KLC2: variants seen among roughly 807,000 people sequenced by gnomAD.
KLC2 encodes the protein KLC 2.
In KLC2, 35 loss-of-function variants were observed where a neutral mutation model predicts 75.1. The observed-to-expected ratio is 0.47, with a 90% CI of 0.36 to 0.62. The LOEUF (loss-of-function observed/expected upper bound fraction) is 0.62. KLC2 is among the 20% of genes least tolerant of loss of function. KLC2 has a pLI of 0.00. For synonymous variants in KLC2, 314 were observed against 336.7 expected, an observed-to-expected ratio of 0.93 and a Z score of 0.74; for missense variants, 611 against 833.2, an observed-to-expected ratio of 0.73 and a Z score of 3.28.
Position 66,262,211 on chromosome 11 carries a change from GGA to G in KLC2, c.529+21_529+22del, listed in dbSNP as rs759979218. 1 of 1,604,606 alleles carries G rather than the reference GGA, an allele frequency of 6.2e-7. No homozygotes were observed. Among genetic ancestry groups the G allele is most frequent in the African/African-American group, 1.3e-5 (1 of 74,860 alleles). On this transcript the variant is annotated intron_variant, in intron 4 of 15. Coordinates refer to ENST00000394067, the MANE Select transcript of KLC2 (RefSeq NM_001318734.2). ...AGCCCAGGTGCGGATGGGCAGTTCT[GGA>G]GTGGGGGAAGGAAAGGTTGTGTGAA...
Position 66,261,784 on chromosome 11 carries a change from G to A in KLC2, c.271G>A (p.Glu91Lys), listed in dbSNP as rs1856444541. 6.2e-7 allele frequency: 1 copy of A among 1,612,694 alleles called. No individual in the cohort carries two copies. The highest frequency in any genetic ancestry group is 1.1e-5 in the South Asian group (1 of 91,004). Residue 91 changes from glutamate to lysine, a missense_variant, in exon 3 of 16, where the codon GAG becomes AAG. Physicochemically the swap from Glu to Lys is moderately conservative, Grantham distance 56. Coordinates refer to ENST00000394067, the MANE Select transcript of KLC2 (RefSeq NM_001318734.2). Reference sequence around the variant, plus strand: ...GAGCCACCTGGGGGCTGTAGAATCAGAGAAGCAGAAGCTGCGGGCGCAGGT... The same window carrying A: ...GAGCCACCTGGGGGCTGTAGAATCAAAGAAGCAGAAGCTGCGGGCGCAGGT... ...LSSHLGAVES[E>K]KQKLRAQVRR...
Position 66,265,027 on chromosome 11 carries a change from C to T in KLC2, c.1221C>T (p.Asp407=), listed in dbSNP as rs1203251842. The change falls in exon 10 of 16, where the codon GAC becomes GAT. Residue 407 remains aspartate (D), a synonymous_variant. Transcript: ENST00000394067. ...CAGTCCCCTTTCTCTCCCCAGGGGA[C>T]AACAAGCCCATCTGGATGCACGCAG... ...HEKEFGSVNG[D]NKPIWMHAEE... 2 of 1,613,160 alleles carry T rather than the reference C, an allele frequency of 1.2e-6. No individual in the cohort carries two copies. Among genetic ancestry groups the T allele is most frequent in the African/African-American group, 1.3e-5 (1 of 74,904 alleles).
chr11:66,247,084 TC>T, the KLC2 span, among the ~76,000 whole-genome samples: 1 of 152,208 alleles, frequency 6.6e-6, no homozygotes, highest in Non-Finnish European at 1.5e-5. Flanking sequence ...ACTCGGTTCT[TC>T]AGTTCCGAGG....
At chr11:66,252,615 G>C (rs1855973622), upstream of KLC2, among the ~76,000 whole-genome samples, 1 of 152,190 alleles carries the variant, frequency 6.6e-6, no homozygotes, top group African/African-American at 2.4e-5. Context: ...GTAGGTAATA[G>C]GAACCCTGCT....
At chr11:66,262,389 G>T in intron 4 of KLC2, 197 bp downstream of exon 4, 1 of 596,514 alleles carries the variant, frequency 1.7e-6, no homozygotes, top group Non-Finnish European at 3.0e-6. Flanking sequence ...ATCACAATTA[G>T]CTGTGGAGTC....
At chr11:66,255,278 C>T (rs1453393570), upstream of KLC2, among the ~76,000 whole-genome samples, 5 of 152,258 alleles carry the variant, frequency 3.3e-5, no homozygotes, top group Non-Finnish European at 5.9e-5. Flanking sequence ...GCAACCTCCA[C>T]CTCCTGGCTT....
chr11:66,249,051 G>C, the KLC2 span, among the ~76,000 whole-genome samples: 6 of 152,128 alleles, frequency 3.9e-5, no homozygotes, highest in African/African-American at 1.4e-4. Context: ...AGGATCCTTT[G>C]GGCTGTGACA....
At position 66,265,272 on chromosome 11, in the gene KLC2, G is replaced by C. The variant is rs764192881; in HGVS notation, c.1334+37G>C. On this transcript the variant is annotated intron_variant, in intron 11 of 15. Transcript: ENST00000394067. ...GGGGCTGGGCTGGGGAGCAGGGCAC[G>C]GCAGGGCGGGCTCCACATTCCATAC... 5.1e-6 allele frequency: 8 copies of C among 1,563,308 alleles called. No homozygotes were observed. The South Asian group carries it at 6.7e-5, about 13-fold the overall frequency.
At chr11:66,253,808 C>T (rs1432849147), upstream of KLC2, among the ~76,000 whole-genome samples, 8 of 152,218 alleles carry the variant, frequency 5.3e-5, no homozygotes, top group South Asian at 1.4e-3. Context: ...GCACACCGGG[C>T]GGAGCAGCCA....
Position 66,258,714 on chromosome 11 carries a change from T to C in KLC2, c.120T>C (p.Ala40=). The change falls in exon 2 of 16, where the codon GCT becomes GCC. Residue 40 remains alanine, a synonymous_variant. Transcript: ENST00000394067. ...TLRGEHRALL[A]PLVAPEAGEA... ...GTGGGGAGCATCGTGCCCTGCTGGC[T>C]CCTCTGGTTGCACCTGAGGCCGGCG... 2 of 1,613,706 alleles carry C rather than the reference T, an allele frequency of 1.2e-6. No individual in the cohort carries two copies. Among genetic ancestry groups the C allele is most frequent in the Non-Finnish European group, 8.5e-7 (1 of 1,179,926 alleles).
intron 2 of KLC2, among the ~76,000 whole-genome samples, chr11:66,260,338 TG>T (rs1362784037): frequency 2.6e-5 from 4 of 152,120 alleles, no homozygotes; most frequent in African/African-American, 4.8e-5. Context: ...GCACACCTGG[TG>T]GAGCACGTGC....
rs375349873 is a variant in KLC2, at chr11:66,265,077, C to G, written c.1266+5C>G. 3.5e-5 allele frequency: 57 copies of G among 1,610,700 alleles called. No individual in the cohort carries two copies. Among genetic ancestry groups the G allele is most frequent in the Admixed American group, 5.0e-5 (3 of 59,874 alleles). Reference sequence around the variant, plus strand: ...GAGGAGCGGGAGGAAAGCAAGGTAGCTCTGTGGGGCAGGCTGGGCGGTTGT... The same window carrying G: ...GAGGAGCGGGAGGAAAGCAAGGTAGGTCTGTGGGGCAGGCTGGGCGGTTGT... On this transcript the variant is annotated splice_donor_5th_base_variant and intron_variant, in intron 10 of 15. Coordinates refer to ENST00000394067, the MANE Select transcript of KLC2 (RefSeq NM_001318734.2).
chr11:66,261,571 C>T (rs1269264977), intron 2 of KLC2, 171 bp from the exon 3 acceptor site: 9 of 590,978 alleles, frequency 1.5e-5, no homozygotes, highest in Admixed American at 8.9e-5. Flanking sequence ...TATGGTGTGT[C>T]GGGGGCCTTG....
At chr11:66,262,601 C>A in intron 4 of KLC2, 1 of 590,298 alleles carries the variant, frequency 1.7e-6, no homozygotes, top group Non-Finnish European at 3.0e-6. Context: ...GGCAGCTTGC[C>A]CCAGGACACA....
intron 15 of KLC2, 151 bp downstream of exon 15, chr11:66,266,641 G>A: frequency 1.1e-6 from 1 of 924,416 alleles, no homozygotes; most frequent in Non-Finnish European, 1.8e-6. Flanking sequence ...GAGACACGAG[G>A]GGAACCCAGC....
Position 66,266,024 on chromosome 11 carries a change from G to A in KLC2, c.1602+12G>A, listed in dbSNP as rs752787744. 1.2e-6 allele frequency: 2 copies of A among 1,613,288 alleles called. No individual in the cohort carries two copies. The highest frequency in any genetic ancestry group is 4.5e-5 in the East Asian group (2 of 44,876). On this transcript the variant is annotated intron_variant, in intron 13 of 15. Coordinates refer to ENST00000394067, the MANE Select transcript of KLC2 (RefSeq NM_001318734.2). ...CTGAGTGGAATGGGGTGAGTCCGGGGCCTGGGCCGGGTCGGGCTGGGAGCC... is the reference window on the plus strand; with the variant it reads ...CTGAGTGGAATGGGGTGAGTCCGGGACCTGGGCCGGGTCGGGCTGGGAGCC...
chr11:66,266,877 G>A lies in KLC2; in HGVS notation c.1790G>A (p.Gly597Glu), dbSNP rs1465132349. 1 of 1,613,310 alleles carries A rather than the reference G, an allele frequency of 6.2e-7. No individual in the cohort carries two copies. The highest frequency in any genetic ancestry group is 1.3e-5 in the African/African-American group (1 of 75,020). ...NKSVEEPTQP[G>E]GTGLSDSRTL... is the part of the protein sequence containing the mutation. ...ACCTGCCCCCTCTGCCCACAGCCTG[G>A]AGGCACAGGTCTCTCTGACAGCCGC... The change falls in exon 16 of 16, where the codon GGA becomes GAA. Residue 597 changes from glycine to glutamate, a missense_variant. Gly to Glu is a moderately conservative substitution (Grantham distance 98, BLOSUM62 -2). Coordinates refer to ENST00000394067, the MANE Select transcript of KLC2 (RefSeq NM_001318734.2).
Position 66,263,841 on chromosome 11 carries a change from C to G in KLC2, c.841-10C>G. On this transcript the variant is annotated splice_polypyrimidine_tract_variant and intron_variant, in intron 6 of 15. Coordinates refer to ENST00000394067, the MANE Select transcript of KLC2 (RefSeq NM_001318734.2). ...CCTGAGTCAAGAAGCTTCCGTTCTCCCACCTCCAGGTGGCTGCGACACTAA... is the reference window on the plus strand; with the variant it reads ...CCTGAGTCAAGAAGCTTCCGTTCTCGCACCTCCAGGTGGCTGCGACACTAA... 6.2e-7 allele frequency: 1 copy of G among 1,612,916 alleles called. No homozygotes were observed. The highest frequency in any genetic ancestry group is 8.5e-7 in the Non-Finnish European group (1 of 1,178,868).
At chr11:66,260,907 A>T (rs1243310494) in intron 2 of KLC2, 1 of 151,512 alleles carries the variant, frequency 6.6e-6, no homozygotes, top group Non-Finnish European at 1.5e-5. Flanking sequence ...AAAATTTTTT[A>T]AATTAGCCAG....
Sources: allele counts gnomAD v4.1 joint callset (sites outside exome capture counted in the v4.1 genomes callset), GRCh38; gene constraint gnomAD v4.1.1; transcripts MANE v1.5; gene names NCBI Gene and HGNC (gene_info 2026-07-23, HGNC 2026-07-21).